Variants in SCP2 observed in about 807,000 individuals in gnomAD.
The protein encoded by SCP2 is SCP-2/3-oxoacyl-CoA thiolase.
In SCP2, 48 loss-of-function variants were observed where a neutral mutation model predicts 71.4. The ratio of observed to expected loss-of-function variants is 0.67; its 90% CI spans 0.53 to 0.86. SCP2 has a LOEUF of 0.86. SCP2 is among the 40% of genes least tolerant of loss of function. The probability of loss-of-function intolerance (pLI) is 0.00; values close to 1 mark genes in which losing one functional copy is unlikely to be tolerated. For synonymous variants in SCP2, 220 were observed against 218.1 expected (o/e 1.01, Z -0.08); for missense variants, 560 against 655.6 (o/e 0.85, Z 1.59).
chr1:52,985,352 G>A (rs917945091), intron 10 of SCP2, among the ~76,000 whole-genome samples: 1 of 152,052 alleles, frequency 6.6e-6, no homozygotes, highest in Non-Finnish European at 1.5e-5. Context: ...GAAACCATCA[G>A]GCTTGAATTC....
At chr1:52,939,767 C>CT (rs956592110) in intron 1 of SCP2, among the ~76,000 whole-genome samples, 49 of 152,236 alleles carry the variant, frequency 3.2e-4, no homozygotes, top group African/African-American at 1.1e-3. Context: ...CAACCTCTGC[C>CT]TCCTGGGTTT....
chr1:53,036,792 A>AT (rs138759094), intron 13 of SCP2, among the ~76,000 whole-genome samples: 1 of 151,598 alleles, frequency 6.6e-6, no homozygotes, highest in African/African-American at 2.4e-5. Flanking sequence ...TACAAAACCC[A>AT]TTTTTTTTCT....
intron 12 of SCP2, among the ~76,000 whole-genome samples, chr1:53,019,795 T>C (rs1661590210): frequency 6.6e-6 from 1 of 152,242 alleles, no homozygotes; most frequent in Non-Finnish European, 1.5e-5. Flanking sequence ...GCCACCAGTT[T>C]GTTAGCAGTT....
intron 11 of SCP2, chr1:52,996,069 A>G (rs1014725821): frequency 1.8e-5 from 18 of 1,010,040 alleles, no homozygotes; most frequent in East Asian, 6.1e-5. Flanking sequence ...TCCCTTAGCC[A>G]TCTTACTCAC....
intron 1 of SCP2, chr1:52,934,953 C>T (rs111258468): frequency 0.062 from 9,132 of 147,488 alleles, 414 homozygotes; most frequent in Non-Finnish European, 0.088. Context: ...CGTGAACCAC[C>T]GCGCCCGGCC....
intron 3 of SCP2, among the ~76,000 whole-genome samples, 154 bp from the exon 4 acceptor site, chr1:52,950,601 A>T (rs988927748): frequency 6.6e-6 from 1 of 152,214 alleles, no homozygotes; most frequent in African/African-American, 2.4e-5. Context: ...AGAGTAAATG[A>T]TGGTTAGTGT....
At chr1:52,931,225 G>T (rs1421036907) in intron 1 of SCP2, among the ~76,000 whole-genome samples, 1 of 152,200 alleles carries the variant, frequency 6.6e-6, no homozygotes, top group Non-Finnish European at 1.5e-5. Context: ...CACTGACTCA[G>T]AGCAGAGAGA....
In SCP2 at chr1:52,978,216, G is replaced by C. The variant is rs1318177330; in HGVS notation, c.675-1G>C. On this transcript the variant is annotated splice_acceptor_variant, in intron 8 of 15. Coordinates refer to ENST00000371514, the MANE Select transcript of SCP2 (RefSeq NM_002979.5). LOFTEE classifies it high-confidence loss of function. ...GGAGAATTATTTTTACTTCCTCTTA[G>C]TCCCACTTCAGATGGTGCTGCAGCA... The C allele has an allele frequency of 1.2e-6, 2 of 1,613,426 alleles. No individual in the cohort carries two copies. Among genetic ancestry groups the C allele is most frequent in the Admixed American group, 3.3e-5 (2 of 60,006 alleles).
At chr1:53,014,447 T>C (rs550921387) in intron 11 of SCP2, among the ~76,000 whole-genome samples, 1 of 152,282 alleles carries the variant, frequency 6.6e-6, no homozygotes, top group South Asian at 2.1e-4. Flanking sequence ...GAACCTTTCT[T>C]GTGAATATCT....
intron 1 of SCP2, among the ~76,000 whole-genome samples, chr1:52,940,000 G>A (rs553280658): frequency 1.3e-5 from 2 of 152,214 alleles, no homozygotes; most frequent in South Asian, 2.1e-4. Context: ...AGAAATTGCC[G>A]AACTTCCTAT....
chr1:52,966,887 C>T (rs376955585), intron 6 of SCP2, among the ~76,000 whole-genome samples: 12 of 149,128 alleles, frequency 8.0e-5, no homozygotes, highest in East Asian at 4.0e-4. Flanking sequence ...GACAAGACTC[C>T]GTCTTAAAAA....
At chr1:52,935,174 G>A (rs1653594362) in intron 1 of SCP2, among the ~76,000 whole-genome samples, 1 of 151,916 alleles carries the variant, frequency 6.6e-6, no homozygotes, top group Non-Finnish European at 1.5e-5. Context: ...GCTGAGGCAG[G>A]AGAATTGCAT....
At chr1:53,013,094 T>C (rs1258298226) in intron 11 of SCP2, among the ~76,000 whole-genome samples, 2 of 151,052 alleles carry the variant, frequency 1.3e-5, no homozygotes, top group Non-Finnish European at 2.9e-5. Context: ...TTATTACCAG[T>C]TGTGGAGCTA....
Position 52,931,792 on chromosome 1 carries a change from C to A in SCP2, c.69+4327C>A, listed in dbSNP as rs1169844058. On this transcript the variant is annotated intron_variant, in intron 1 of 15. Coordinates refer to ENST00000371514, the MANE Select transcript of SCP2 (RefSeq NM_002979.5). ...AAAATTTCCAACAAGACAACGTCAACCCCCTACTCAAAAACAACAAAATAC... is the reference window on the plus strand; with the variant it reads ...AAAATTTCCAACAAGACAACGTCAAACCCCTACTCAAAAACAACAAAATAC... Among the ~76,000 whole-genome samples the A allele has an allele frequency of 2.0e-5, 3 of 152,112 alleles. 1 individual carries two copies. Among genetic ancestry groups the A allele is most frequent in the African/African-American group, 7.2e-5 (3 of 41,406 alleles).
intron 6 of SCP2, among the ~76,000 whole-genome samples, chr1:52,969,269 G>A (rs1657241500): frequency 6.6e-6 from 1 of 152,154 alleles, no homozygotes; most frequent in South Asian, 2.1e-4. Flanking sequence ...ATACACACCT[G>A]TAATCCCAGC....
chr1:52,973,268 G>A (rs996392896), intron 6 of SCP2, among the ~76,000 whole-genome samples: 1 of 151,984 alleles, frequency 6.6e-6, no homozygotes, highest in Non-Finnish European at 1.5e-5. Flanking sequence ...CAATAGTAAA[G>A]GCTCCAAATG....
chr1:53,010,537 C>A (rs1660920066), intron 11 of SCP2, among the ~76,000 whole-genome samples: 1 of 152,102 alleles, frequency 6.6e-6, no homozygotes, highest in African/African-American at 2.4e-5. Flanking sequence ...GACAGAAAAC[C>A]AAACACCACA....
At chr1:53,043,106 A>G (rs1403437841) in intron 14 of SCP2, among the ~76,000 whole-genome samples, 2 of 152,202 alleles carry the variant, frequency 1.3e-5, no homozygotes, top group Non-Finnish European at 2.9e-5. Flanking sequence ...CCTATCCCCA[A>G]GGTAAACTAG....
At chr1:53,035,924 G>C (rs12566293) in intron 13 of SCP2, among the ~76,000 whole-genome samples, 5,586 of 151,310 alleles carry the variant, frequency 0.037, 206 homozygotes, top group East Asian at 0.2. Context: ...GGAGGCTGAG[G>C]CAGGAGAATG....
Sources: gnomAD v4.1 joint callset for allele counts (sites outside exome capture counted in the v4.1 genomes callset) on GRCh38, gnomAD v4.1.1 for gene constraint, MANE v1.5 for transcripts, NCBI Gene and HGNC (gene_info 2026-07-23, HGNC 2026-07-21) for gene names.